CRB1: variants seen among roughly 807,000 people sequenced by gnomAD.
CRB1 encodes crumbs cell polarity complex component 1.
In CRB1, 83 loss-of-function variants were observed where a neutral mutation model predicts 120.0. That is an observed-to-expected ratio of 0.69 (90% CI 0.58 to 0.83). The LOEUF (loss-of-function observed/expected upper bound fraction) is 0.83, where lower values mean the gene tolerates loss of function less well. Among genes scored for constraint, CRB1 ranks in the 40% least tolerant of loss-of-function variants. The pLI is 0.00. For synonymous variants in CRB1, 625 were observed against 612.5 expected (o/e 1.02, Z -0.30); for missense variants, 1,699 against 1,687.6 (o/e 1.01, Z -0.12).
the CRB1 span, among the ~76,000 whole-genome samples, chr1:197,239,602 G>C: frequency 6.6e-6 from 1 of 151,814 alleles, no homozygotes; most frequent in Admixed American, 6.6e-5. Context: ...CTTATAGACA[G>C]CATATAGTTA....
intron 5 of CRB1, among the ~76,000 whole-genome samples, chr1:197,365,790 C>T (rs920177769): frequency 1.3e-5 from 2 of 152,020 alleles, no homozygotes; most frequent in Non-Finnish European, 2.9e-5. Context: ...TCAGCAAACA[C>T]CAGGACGGAG....
intron 11 of CRB1, among the ~76,000 whole-genome samples, chr1:197,460,265 A>C (rs1666468211): frequency 6.6e-6 from 1 of 152,056 alleles, no homozygotes; most frequent in Non-Finnish European, 1.5e-5. Flanking sequence ...AATGTACATA[A>C]AATTAAGGAA....
intron 11 of CRB1, among the ~76,000 whole-genome samples, chr1:197,463,826 C>G (rs1425671039): frequency 1.3e-5 from 2 of 152,014 alleles, no homozygotes; most frequent in African/African-American, 4.8e-5. Context: ...CCCAGTGTAG[C>G]GAATGAACCA....
chr1:197,429,981 G>T (rs934682227), intron 8 of CRB1, among the ~76,000 whole-genome samples: 6 of 152,186 alleles, frequency 3.9e-5, no homozygotes, highest in Admixed American at 1.3e-4. Flanking sequence ...GGCAATTCAT[G>T]TGATCTCCAT....
At chr1:197,286,844 A>G (rs181265023) in intron 1 of CRB1, among the ~76,000 whole-genome samples, 2 of 152,026 alleles carry the variant, frequency 1.3e-5, no homozygotes, top group Non-Finnish European at 1.5e-5. Context: ...CCATATGGTT[A>G]TCAGAAATAA....
intron 5 of CRB1, among the ~76,000 whole-genome samples, chr1:197,400,339 T>C (rs1424771177): frequency 6.8e-6 from 1 of 147,686 alleles, no homozygotes; most frequent in Non-Finnish European, 1.5e-5. Flanking sequence ...ACAGATAAGG[T>C]CTTGCTCTGT....
At chr1:197,474,128 A>C (rs1453767283) in intron 11 of CRB1, among the ~76,000 whole-genome samples, 1 of 152,230 alleles carries the variant, frequency 6.6e-6, no homozygotes, top group Non-Finnish European at 1.5e-5. Flanking sequence ...TAAATGGTAT[A>C]CTAATGACTA....
At chr1:197,201,649 T>C in the CRB1 span, among the ~76,000 whole-genome samples, 2 of 152,132 alleles carry the variant, frequency 1.3e-5, no homozygotes, top group African/African-American at 2.4e-5. Flanking sequence ...AGTTTAGAAG[T>C]AGTTTGCCGA....
intron 1 of CRB1, among the ~76,000 whole-genome samples, chr1:197,325,463 C>T (rs998433590): frequency 6.6e-6 from 1 of 152,054 alleles, no homozygotes; most frequent in Non-Finnish European, 1.5e-5. Context: ...TTGGAAATAT[C>T]AAATTTTATG....
At chr1:197,331,852 C>T (rs904812901) in intron 2 of CRB1, among the ~76,000 whole-genome samples, 8 of 151,944 alleles carry the variant, frequency 5.3e-5, no homozygotes, top group Admixed American at 1.3e-4. Flanking sequence ...TTAATGAATC[C>T]TTTCAGTCGT....
At chr1:197,367,921 G>A (rs1224959776) in intron 5 of CRB1, among the ~76,000 whole-genome samples, 3 of 152,154 alleles carry the variant, frequency 2.0e-5, no homozygotes, top group Non-Finnish European at 4.4e-5. Context: ...AGAGCCACCT[G>A]GCAAAGTGAC....
chr1:197,302,033 T>C (rs574617230), intron 1 of CRB1, among the ~76,000 whole-genome samples: 41 of 152,272 alleles, frequency 2.7e-4, no homozygotes, highest in African/African-American at 8.9e-4. Context: ...TTGAAAGAAG[T>C]TCTATTGTGG....
intron 11 of CRB1, among the ~76,000 whole-genome samples, chr1:197,473,319 C>T (rs993983045): frequency 1.3e-5 from 2 of 152,270 alleles, no homozygotes; most frequent in East Asian, 1.9e-4. Context: ...ACACATTAAC[C>T]TATGGTGCTA....
At chr1:197,348,661 A>G (rs1435167924) in intron 4 of CRB1, among the ~76,000 whole-genome samples, 1 of 151,978 alleles carries the variant, frequency 6.6e-6, no homozygotes, top group Non-Finnish European at 1.5e-5. Flanking sequence ...TATTTTTAGT[A>G]GAGACGGGGT....
chr1:197,344,135 A>G, intron 2 of CRB1, 146 bp from the exon 3 acceptor site: 2 of 821,110 alleles, frequency 2.4e-6, no homozygotes, highest in Admixed American at 1.9e-5. Flanking sequence ...CCAAAAGTTA[A>G]TATCAATTAC....
intron 7 of CRB1, 195 bp from the exon 8 acceptor site, chr1:197,429,254 C>T (rs533669020): frequency 7.2e-7 from 1 of 1,382,260 alleles, no homozygotes; most frequent in South Asian, 1.4e-5. Flanking sequence ...TGCCACCACT[C>T]TGCCCTTTTA....
At chr1:197,319,259 T>TA (rs1284967148) in intron 1 of CRB1, among the ~76,000 whole-genome samples, 581 of 49,050 alleles carry the variant, frequency 0.012, 57 homozygotes, top group African/African-American at 0.045. Flanking sequence ...CTGTCTCTAC[T>TA]AAAAAAAAAA....
At position 197,477,932 on chromosome 1, in the gene CRB1, G is replaced by A. The variant is rs1364270834; in HGVS notation, c.*53G>A. The A allele has an allele frequency of 1.3e-6, 2 of 1,523,772 alleles. No individual in the cohort carries two copies. The highest frequency in any genetic ancestry group is 1.8e-6 in the Non-Finnish European group (2 of 1,097,918). 94.4% of individuals were successfully genotyped at this position (1,523,772 alleles called of 1,614,324 possible). A position where few individuals can be genotyped will look rare whatever the true frequency, so the allele number is the denominator to read the frequency against. On this transcript the variant is annotated 3_prime_UTR_variant, in exon 12 of 12. Transcript: ENST00000367400. ...TCCACACACTGTGAATGTGATGACT[G>A]TACTTCAGGTATCTCTGACATACCT...
chr1:197,247,997 G>A, the CRB1 span, among the ~76,000 whole-genome samples: 4 of 151,862 alleles, frequency 2.6e-5, no homozygotes, highest in African/African-American at 7.3e-5. Flanking sequence ...ATAAACTCTT[G>A]TAAATGTTTC....
Sources: allele counts gnomAD v4.1 joint callset (sites outside exome capture counted in the v4.1 genomes callset), GRCh38; gene constraint gnomAD v4.1.1; transcripts MANE v1.5; gene names NCBI Gene and HGNC (gene_info 2026-07-23, HGNC 2026-07-21).